Variants in ERCC6L2 observed in about 807,000 individuals in gnomAD.
ERCC6L2 encodes the protein DNA excision repair protein ERCC-6-like 2.
In ERCC6L2, 77 loss-of-function variants were observed where a neutral mutation model predicts 132.0. The ratio of observed to expected loss-of-function variants is 0.58; its 90% CI spans 0.49 to 0.71. ERCC6L2 has a LOEUF of 0.71. ERCC6L2 is among the 30% of genes least tolerant of loss of function. The pLI is 0.00. For synonymous variants in ERCC6L2, 583 were observed against 632.4 expected (o/e 0.92, Z 1.17); for missense variants, 1,542 against 1,837.6 (o/e 0.84, Z 2.94).
Position 96,013,230 on chromosome 9 carries a change from A to C in ERCC6L2, c.*27A>C. On this transcript the variant is annotated 3_prime_UTR_variant, in exon 19 of 19. Coordinates refer to ENST00000653738, the MANE Select transcript of ERCC6L2 (RefSeq NM_020207.7). ...CATATAAATGAATTACTGCACCAGT[A>C]AACTGCTGCCATCACTGTTTACGGC... The C allele has an allele frequency of 1.5e-6, 2 of 1,326,328 alleles. No individual in the cohort carries two copies. The highest frequency in any genetic ancestry group is 2.0e-6 in the Non-Finnish European group (2 of 1,004,290). 82.2% of individuals were successfully genotyped at this position (1,326,328 alleles called of 1,614,324 possible).
At chr9:95,993,508 G>T (rs1013905638) in intron 17 of ERCC6L2, among the ~76,000 whole-genome samples, 8 of 152,148 alleles carry the variant, frequency 5.3e-5, no homozygotes, top group African/African-American at 1.9e-4. Context: ...TCTGTCTGTA[G>T]CACATGGCAT....
At chr9:95,942,289 G>A (rs947921536) in intron 12 of ERCC6L2, among the ~76,000 whole-genome samples, 21 of 152,010 alleles carry the variant, frequency 1.4e-4, no homozygotes, top group African/African-American at 3.1e-4. Context: ...GCACCTAGTC[G>A]TCATTTTAAT....
chr9:95,976,431 A>G (rs75368771), intron 16 of ERCC6L2, among the ~76,000 whole-genome samples: 44,487 of 151,758 alleles, frequency 0.29, 6,728 homozygotes, highest in South Asian at 0.37. Flanking sequence ...TTGAAGAGCA[A>G]CAAACCTTCC....
intron 19 of ERCC6L2, among the ~76,000 whole-genome samples, chr9:96,030,116 A>G (rs1834434534): frequency 6.6e-6 from 1 of 152,198 alleles, no homozygotes; most frequent in African/African-American, 2.4e-5. Context: ...TGTAGTTAGG[A>G]TTGTAAAACG....
rs1006744085 is a variant in ERCC6L2, at chr9:96,004,892, A to G, written c.3674+191A>G. On this transcript the variant is annotated intron_variant, in intron 18 of 18. Coordinates refer to ENST00000653738, the MANE Select transcript of ERCC6L2 (RefSeq NM_020207.7). Reference sequence around the variant, plus strand: ...AAGGCTAATCCCTGAATTGATTACCATAAAAAGGGAAATCATGTTATACAA... The same window carrying G: ...AAGGCTAATCCCTGAATTGATTACCGTAAAAAGGGAAATCATGTTATACAA... The G allele has an allele frequency of 1.4e-5, 5 of 345,356 alleles. No individual in the cohort carries two copies. The Admixed American group carries it at 1.7e-4, about 12-fold the overall frequency. The allele number at this position is 345,356 out of a possible 1,614,324, so 21.4% of individuals were successfully genotyped here.
At chr9:95,913,943 A>G (rs891374820) in intron 4 of ERCC6L2, among the ~76,000 whole-genome samples, 70 of 152,290 alleles carry the variant, frequency 4.6e-4, no homozygotes, top group African/African-American at 1.6e-3. Flanking sequence ...TGGCTATACA[A>G]ATTTGCTGCT....
intron 11 of ERCC6L2, among the ~76,000 whole-genome samples, chr9:95,929,638 T>C (rs1830251252): frequency 1.3e-5 from 2 of 152,250 alleles, no homozygotes; most frequent in Non-Finnish European, 2.9e-5. Flanking sequence ...GCCAACATTG[T>C]TGAGCACTTT....
At chr9:95,943,909 T>C (rs986391830) in intron 12 of ERCC6L2, among the ~76,000 whole-genome samples, 9 of 152,178 alleles carry the variant, frequency 5.9e-5, no homozygotes, top group African/African-American at 2.2e-4. Context: ...CCCTTGTGCA[T>C]TGTTGATGGA....
At chr9:95,904,996 T>C (rs556286015) in intron 3 of ERCC6L2, 1 of 152,282 alleles carries the variant, frequency 6.6e-6, no homozygotes, top group East Asian at 1.9e-4. Flanking sequence ...ATTATCACCC[T>C]TCCCCCATGT....
chr9:95,919,506 A>C (rs1235832228), intron 6 of ERCC6L2, among the ~76,000 whole-genome samples: 1 of 152,066 alleles, frequency 6.6e-6, no homozygotes, highest in African/African-American at 2.4e-5. Context: ...TTGCCCCCAA[A>C]CACAACATGT....
In ERCC6L2 at chr9:95,875,877, C is replaced by A. The variant is rs1827223354; in HGVS notation, c.-162C>A. 5.9e-6 allele frequency: 4 copies of A among 680,640 alleles called. No individual in the cohort carries two copies. The highest frequency in any genetic ancestry group is 5.5e-5 in the East Asian group (2 of 36,230). 42.2% of individuals were successfully genotyped at this position (680,640 alleles called of 1,614,324 possible). On this transcript the variant is annotated 5_prime_UTR_variant, in exon 1 of 19. Coordinates refer to ENST00000653738, the MANE Select transcript of ERCC6L2 (RefSeq NM_020207.7). ...CCTTAGTCGCTACCTTTGCTGGGAT[C>A]CCCCTCCTCCATCCTGTGGCTTCGG... is the stretch of plus-strand genomic sequence containing the variant.
intron 17 of ERCC6L2, among the ~76,000 whole-genome samples, chr9:95,994,617 C>T (rs139502580): frequency 6.6e-6 from 1 of 152,292 alleles, no homozygotes; most frequent in Non-Finnish European, 1.5e-5. Context: ...GCACCATCCT[C>T]CCAAGCCTTC....
intron 19 of ERCC6L2, among the ~76,000 whole-genome samples, chr9:96,036,859 C>T (rs953675451): frequency 5.2e-4 from 77 of 148,360 alleles, no homozygotes; most frequent in Middle Eastern, 6.9e-3. Flanking sequence ...CTCCGCCTCC[C>T]GGGTTCACGC....
intron 17 of ERCC6L2, among the ~76,000 whole-genome samples, chr9:95,985,341 G>T (rs369819181): frequency 6.6e-6 from 1 of 152,152 alleles, no homozygotes; most frequent in African/African-American, 2.4e-5. Flanking sequence ...GATAATTCCC[G>T]CATGGAAGTA....
At chr9:95,876,152 C>G in intron 1 of ERCC6L2, 68 bp downstream of exon 1, 6 of 1,447,976 alleles carry the variant, frequency 4.1e-6, no homozygotes, top group Non-Finnish European at 5.7e-6. Flanking sequence ...CAGTTCTTGC[C>G]GGTGCCCTTC....
In ERCC6L2 at chr9:95,966,655, A is replaced by G. The variant is rs1832173149; in HGVS notation, c.2041A>G (p.Ile681Val). 1.3e-6 allele frequency: 2 copies of G among 1,530,460 alleles called. No homozygotes were observed. Among genetic ancestry groups the G allele is most frequent in the Non-Finnish European group, 1.8e-6 (2 of 1,122,302 alleles). The allele number at this position is 1,530,460 out of a possible 1,614,324, so 94.8% of individuals were successfully genotyped here. A position where few individuals can be genotyped will look rare whatever the true frequency, so the allele number is the denominator to read the frequency against. The change falls in exon 14 of 19, where the codon ATC becomes GTC. Residue 681 changes from isoleucine (I) to valine (V), a missense_variant. Coordinates refer to ENST00000653738, the MANE Select transcript of ERCC6L2 (RefSeq NM_020207.7). ...AGAGCATCAAGGAGAGCTTTTTGGG[A>G]TCCATAACCTCTTCAAATTTAGGTC... ...SKEHQGELFG[I>V]HNLFKFRSQG...
At chr9:95,974,355 C>G (rs113675985) in intron 16 of ERCC6L2, among the ~76,000 whole-genome samples, 3,441 of 152,158 alleles carry the variant, frequency 0.023, 111 homozygotes, top group African/African-American at 0.069. Context: ...AAGGATGACC[C>G]ATTCTTTTCT....
Position 95,876,022 on chromosome 9 carries a change from C to T in ERCC6L2, c.-17C>T. Reference sequence around the variant, plus strand: ...GGGTGTTACATGCAGCCGGGCTCGGCCCCTCCCCCTGGCCGGATGGATCCG... The same window carrying T: ...GGGTGTTACATGCAGCCGGGCTCGGTCCCTCCCCCTGGCCGGATGGATCCG... On this transcript the variant is annotated 5_prime_UTR_variant, in exon 1 of 19. Transcript: ENST00000653738. 6.3e-7 allele frequency: 1 copy of T among 1,583,748 alleles called. No individual in the cohort carries two copies. The highest frequency in any genetic ancestry group is 8.6e-7 in the Non-Finnish European group (1 of 1,165,880).
intron 19 of ERCC6L2, among the ~76,000 whole-genome samples, chr9:96,032,367 T>C (rs568507935): frequency 6.6e-6 from 1 of 152,206 alleles, no homozygotes; most frequent in East Asian, 1.9e-4. Flanking sequence ...TTCCTCCGCA[T>C]CCTCTTCCGC....
Sources: allele counts gnomAD v4.1 joint callset (sites outside exome capture counted in the v4.1 genomes callset), GRCh38; gene constraint gnomAD v4.1.1; transcripts MANE v1.5; gene names NCBI Gene and HGNC (gene_info 2026-07-23, HGNC 2026-07-21).